Variants in CCDC158 observed in about 807,000 individuals in gnomAD.
The protein encoded by CCDC158 is coiled-coil domain containing 158.
Under a neutral mutation model 138.6 loss-of-function variants are expected in CCDC158, and 116 were observed. The observed-to-expected ratio is 0.84, with a 90% confidence interval of 0.72 to 0.98. CCDC158 has a LOEUF of 0.98. Ranked by LOEUF, CCDC158 falls within the 50% of genes least tolerant of loss-of-function variation. CCDC158 has a pLI of 0.00. For missense variants in CCDC158, 1,265 were observed against 1,306.1 expected, an observed-to-expected ratio of 0.97 and a Z score of 0.48; for synonymous variants, 436 against 442.4, an observed-to-expected ratio of 0.99 and a Z score of 0.18.
At chr4:76,325,556 A>AT (rs1720444266) in intron 23 of CCDC158, among the ~76,000 whole-genome samples, 2 of 152,250 alleles carry the variant, frequency 1.3e-5, no homozygotes, top group African/African-American at 4.8e-5. Context: ...AAAGAAAAGT[A>AT]GTTCACAGCA....
At chr4:76,387,572 C>A (rs931072636) in intron 4 of CCDC158, among the ~76,000 whole-genome samples, 2 of 151,974 alleles carry the variant, frequency 1.3e-5, no homozygotes, top group Non-Finnish European at 2.9e-5. Flanking sequence ...CGCCTGTAGT[C>A]CCAGCACTTT....
At chr4:76,337,431 TA>T (rs1469084104) in intron 18 of CCDC158, among the ~76,000 whole-genome samples, 1 of 152,208 alleles carries the variant, frequency 6.6e-6, no homozygotes, top group Non-Finnish European at 1.5e-5. Context: ...ATACACTTTT[TA>T]AAATTAGAAA....
At chr4:76,320,564 A>G (rs1001711925) in intron 24 of CCDC158, among the ~76,000 whole-genome samples, 45 of 152,316 alleles carry the variant, frequency 3.0e-4, no homozygotes, top group African/African-American at 9.6e-4. Flanking sequence ...ATCATCACCA[A>G]AACAGCATGG....
chr4:76,344,554 C>T, intron 18 of CCDC158: 1 of 1,027,490 alleles, frequency 9.7e-7, no homozygotes, highest in Non-Finnish European at 1.5e-6. Context: ...GAATAGCTGA[C>T]ATCTGTATCT....
At chr4:76,357,762 T>G (rs1345501541) in intron 13 of CCDC158, among the ~76,000 whole-genome samples, 2 of 152,142 alleles carry the variant, frequency 1.3e-5, no homozygotes, top group Non-Finnish European at 2.9e-5. Flanking sequence ...TATTACTCAT[T>G]GTTTTTTCCC....
In CCDC158 at chr4:76,384,048, T is replaced by C. The variant is rs149175410; in HGVS notation, c.726+40A>G. 5,152 of 1,354,130 alleles carry C rather than the reference T, an allele frequency of 3.8e-3. 331 individuals are homozygous for C. The Admixed American group carries it at 0.097, about 26-fold the overall frequency. 83.9% of individuals were successfully genotyped at this position (1,354,130 alleles called of 1,614,324 possible). A position where few individuals can be genotyped will look rare whatever the true frequency, so the allele number is the denominator to read the frequency against. ...ATCTAATGCTATTCTCTTAATGCAT[T>C]TTAATATAAAATTATTTAAGTAGCA... On this transcript the variant is annotated intron_variant, in intron 6 of 24. Coordinates refer to ENST00000682701, the MANE Select transcript of CCDC158 (RefSeq NM_001394954.1).
chr4:76,324,544 C>CG (rs1352453431), intron 23 of CCDC158, among the ~76,000 whole-genome samples: 1 of 151,710 alleles, frequency 6.6e-6, no homozygotes, highest in Admixed American at 6.6e-5. Flanking sequence ...TGACAATAAG[C>CG]GGGGGGTTGG....
chr4:76,391,730 G>T (rs989303359), intron 4 of CCDC158, among the ~76,000 whole-genome samples: 2 of 151,750 alleles, frequency 1.3e-5, no homozygotes, highest in African/African-American at 4.8e-5. Flanking sequence ...GAAACAGAAT[G>T]TTGGTTTTTT....
At chr4:76,316,065 C>T (rs1259994174) in intron 24 of CCDC158, among the ~76,000 whole-genome samples, 1 of 152,130 alleles carries the variant, frequency 6.6e-6, no homozygotes, top group African/African-American at 2.4e-5. Context: ...TTGATAACAT[C>T]CCCAAAAGGC....
intron 1 of CCDC158, among the ~76,000 whole-genome samples, chr4:76,420,592 G>A (rs62303276): frequency 0.17 from 26,150 of 152,172 alleles, 2,947 homozygotes; most frequent in Middle Eastern, 0.27. Context: ...TGGATGCGAG[G>A]CTGTCCTCTC....
chr4:76,388,219 TCTTAC>T (rs1726998943), intron 4 of CCDC158, among the ~76,000 whole-genome samples: 1 of 152,100 alleles, frequency 6.6e-6, no homozygotes, highest in Non-Finnish European at 1.5e-5. Flanking sequence ...GAAGACTTTG[TCTTAC>T]ACCCTAGGTA....
intron 4 of CCDC158, among the ~76,000 whole-genome samples, chr4:76,395,632 C>A (rs543430591): frequency 4.6e-5 from 7 of 152,016 alleles, no homozygotes; most frequent in African/African-American, 1.7e-4. Context: ...TAGGGAAGAG[C>A]AAGTGGCCTG....
At chr4:76,415,999 C>T (rs1729667485) in intron 1 of CCDC158, among the ~76,000 whole-genome samples, 1 of 152,244 alleles carries the variant, frequency 6.6e-6, no homozygotes, top group Non-Finnish European at 1.5e-5. Context: ...CCCTGTGATG[C>T]TGTCCTTCAG....
intron 24 of CCDC158, among the ~76,000 whole-genome samples, chr4:76,314,329 C>T (rs1475270985): frequency 6.6e-6 from 1 of 152,196 alleles, no homozygotes; most frequent in Non-Finnish European, 1.5e-5. Context: ...AATGCATCTT[C>T]CTTCAAAAAA....
chr4:76,339,059 G>A (rs1305494334), intron 18 of CCDC158, among the ~76,000 whole-genome samples: 1 of 152,116 alleles, frequency 6.6e-6, no homozygotes, highest in Admixed American at 6.5e-5. Flanking sequence ...TTTATAATAT[G>A]TGGTGACCGG....
At chr4:76,331,037 T>C (rs1720960542) in intron 21 of CCDC158, among the ~76,000 whole-genome samples, 1 of 152,210 alleles carries the variant, frequency 6.6e-6, no homozygotes, top group Non-Finnish European at 1.5e-5. Flanking sequence ...TTAGCCCCTA[T>C]TCTAACTAGA....
In CCDC158 at chr4:76,379,306, C is replaced by G; in HGVS notation, c.1013G>C (p.Arg338Thr). ...QLRSELREAK[R>T]MYEDKTEELE... ...TAAACTCACCTTGTCTTCATACATC[C>G]TTTTGGCTTCCCTTAATTCAGAACG... The change falls in exon 9 of 25, where the codon AGG becomes ACG. Residue 338 changes from arginine to threonine, a missense_variant. By Grantham distance (71) the Arg-to-Thr change is moderately conservative. Coordinates refer to ENST00000682701, the MANE Select transcript of CCDC158 (RefSeq NM_001394954.1). 1 of 1,603,792 alleles carries G rather than the reference C, an allele frequency of 6.2e-7. No homozygotes were observed.
chr4:76,336,636 C>T (rs1046089387), intron 18 of CCDC158, among the ~76,000 whole-genome samples: 24 of 152,274 alleles, frequency 1.6e-4, no homozygotes, highest in Middle Eastern at 3.4e-3. Flanking sequence ...ACCTTCCAAC[C>T]CTGGTCACAG....
At chr4:76,332,533 A>T in intron 19 of CCDC158, 42 bp from the exon 20 acceptor site, 1 of 1,397,318 alleles carries the variant, frequency 7.2e-7, no homozygotes, top group Non-Finnish European at 9.9e-7. Context: ...TATAAAGCAC[A>T]ATTTCATCCA....
Sources: allele counts gnomAD v4.1 joint callset (sites outside exome capture counted in the v4.1 genomes callset), GRCh38; gene constraint gnomAD v4.1.1; transcripts MANE v1.5; gene names NCBI Gene and HGNC (gene_info 2026-07-23, HGNC 2026-07-21).